Variants in EIF3H observed in about 807,000 individuals in gnomAD.
EIF3H encodes the protein eukaryotic translation initiation factor 3 subunit H, also known as eIF-3-gamma.
EIF3H carries 26 observed loss-of-function variants against 44.2 expected under a neutral mutation model. That is an observed-to-expected ratio of 0.59 (90% confidence interval 0.43 to 0.82). The LOEUF (loss-of-function observed/expected upper bound fraction) is 0.82, where lower values mean the gene tolerates loss of function less well. Ranked by LOEUF, EIF3H falls within the 40% of genes least tolerant of loss-of-function variation. EIF3H has a pLI of 0.00. For missense variants in EIF3H, 359 were observed against 432.8 expected, an observed-to-expected ratio of 0.83 and a Z score of 1.51; for synonymous variants, 166 against 151.9, an observed-to-expected ratio of 1.09 and a Z score of -0.68.
At chr8:116,672,692 T>C (rs574699998) in intron 2 of EIF3H, among the ~76,000 whole-genome samples, 7 of 151,416 alleles carry the variant, frequency 4.6e-5, no homozygotes, top group Admixed American at 4.6e-4. Context: ...AGAGGGAGAA[T>C]ACCAACAAGA....
At chr8:116,671,669 G>A (rs536472914) in intron 2 of EIF3H, among the ~76,000 whole-genome samples, 15 of 152,296 alleles carry the variant, frequency 9.8e-5, no homozygotes, top group African/African-American at 3.4e-4. Context: ...GTAGTGTAGA[G>A]GAGCAGACAG....
chr8:116,756,942 G>A (rs1815459139), upstream of EIF3H, among the ~76,000 whole-genome samples: 1 of 152,188 alleles, frequency 6.6e-6, no homozygotes, highest in African/African-American at 2.4e-5. Context: ...GGAAGAACCA[G>A]ACTGGAGGTT....
chr8:116,731,565 A>G (rs1463150100), intron 1 of EIF3H, among the ~76,000 whole-genome samples: 1 of 152,198 alleles, frequency 6.6e-6, no homozygotes, highest in African/African-American at 2.4e-5. Context: ...GCACTGAGAA[A>G]TACAGACCCA....
At chr8:116,755,929 T>C (rs1815440560), upstream of EIF3H, 5 of 1,539,432 alleles carry the variant, frequency 3.2e-6, no homozygotes, top group Non-Finnish European at 4.4e-6. Flanking sequence ...GGGCCCCGCC[T>C]CCCTCCTGTT....
At chr8:116,685,740 T>C (rs1814064977) in intron 2 of EIF3H, among the ~76,000 whole-genome samples, 1 of 152,168 alleles carries the variant, frequency 6.6e-6, no homozygotes, top group African/African-American at 2.4e-5. Context: ...CCATTTGTTT[T>C]TAACTTTCAA....
At chr8:116,739,215 C>G (rs1272260575) in intron 1 of EIF3H, among the ~76,000 whole-genome samples, 1 of 152,246 alleles carries the variant, frequency 6.6e-6, no homozygotes, top group African/African-American at 2.4e-5. Flanking sequence ...TAAGGACATG[C>G]TCAAGTCTTA....
chr8:116,659,981 G>C (rs2130796529), intron 2 of EIF3H, among the ~76,000 whole-genome samples: 1 of 152,078 alleles, frequency 6.6e-6, no homozygotes, highest in Non-Finnish European at 1.5e-5. Flanking sequence ...CTGCCTCCCG[G>C]GCTCAAGTGA....
intron 2 of EIF3H, among the ~76,000 whole-genome samples, chr8:116,713,134 T>A (rs1403938879): frequency 6.6e-6 from 1 of 152,168 alleles, no homozygotes; most frequent in Non-Finnish European, 1.5e-5. Context: ...TTTATTTAAT[T>A]AAAATTTAAA....
At chr8:116,696,382 T>A (rs1814268474) in intron 2 of EIF3H, among the ~76,000 whole-genome samples, 1 of 152,252 alleles carries the variant, frequency 6.6e-6, no homozygotes, top group African/African-American at 2.4e-5. Flanking sequence ...CATAAGTTTA[T>A]ACAGCTACAT....
chr8:116,744,363 G>A (rs1477222892), intron 1 of EIF3H, among the ~76,000 whole-genome samples: 1 of 152,030 alleles, frequency 6.6e-6, no homozygotes, highest in Non-Finnish European at 1.5e-5. Context: ...AAGACTCAAA[G>A]GATTAAAAAT....
At chr8:116,718,833 C>T (rs776977643) in intron 2 of EIF3H, among the ~76,000 whole-genome samples, 3 of 151,806 alleles carry the variant, frequency 2.0e-5, no homozygotes, top group Non-Finnish European at 4.4e-5. Flanking sequence ...CTAAAAAACT[C>T]ATTCATGTAA....
chr8:116,682,024 T>C (rs2130845378), intron 2 of EIF3H, among the ~76,000 whole-genome samples: 1 of 152,338 alleles, frequency 6.6e-6, no homozygotes, highest in African/African-American at 2.4e-5. Context: ...CCTATGGAAC[T>C]GCATCATAGA....
chr8:116,703,838 T>C (rs887140621), intron 2 of EIF3H, among the ~76,000 whole-genome samples: 4 of 152,272 alleles, frequency 2.6e-5, no homozygotes, highest in African/African-American at 7.2e-5. Flanking sequence ...TTCTGTCTCT[T>C]TGTCTTGTGT....
intron 2 of EIF3H, among the ~76,000 whole-genome samples, chr8:116,710,139 C>T (rs919981091): frequency 3.9e-5 from 6 of 152,176 alleles, no homozygotes; most frequent in African/African-American, 1.4e-4. Context: ...GCACAACATA[C>T]TACTTAACCA....
intron 2 of EIF3H, among the ~76,000 whole-genome samples, chr8:116,684,548 C>T (rs750377868): frequency 4.6e-5 from 7 of 151,890 alleles, no homozygotes; most frequent in Non-Finnish European, 1.0e-4. Flanking sequence ...ACTACTACTG[C>T]TATTTTTTTT....
At chr8:116,666,136 AC>A (rs1464654861) in intron 2 of EIF3H, among the ~76,000 whole-genome samples, 1 of 152,210 alleles carries the variant, frequency 6.6e-6, no homozygotes, top group African/African-American at 2.4e-5. Context: ...AAAAGAAGTA[AC>A]AAAAATACTG....
intron 1 of EIF3H, among the ~76,000 whole-genome samples, chr8:116,748,569 T>C (rs529389537): frequency 6.6e-6 from 1 of 152,356 alleles, no homozygotes; most frequent in East Asian, 1.9e-4. Context: ...AACAGGAGTA[T>C]ATTCATTCAT....
intron 2 of EIF3H, among the ~76,000 whole-genome samples, chr8:116,674,953 T>A (rs1446913498): frequency 6.6e-6 from 1 of 152,218 alleles, no homozygotes; most frequent in Non-Finnish European, 1.5e-5. Context: ...TGCTTTTTTG[T>A]GTTAAACAAA....
chr8:116,744,631 T>C (rs1017143531), intron 1 of EIF3H, among the ~76,000 whole-genome samples: 2 of 152,190 alleles, frequency 1.3e-5, no homozygotes, highest in Non-Finnish European at 2.9e-5. Context: ...ATGATCTACC[T>C]ACCAGTAGTA....
Sources: allele counts gnomAD v4.1 joint callset (sites outside exome capture counted in the v4.1 genomes callset), GRCh38; gene constraint gnomAD v4.1.1; transcripts MANE v1.5; gene names NCBI Gene and HGNC (gene_info 2026-07-23, HGNC 2026-07-21).